Variants in SCN11A observed in about 807,000 individuals in gnomAD.
The protein encoded by SCN11A is sodium channel protein type 11 subunit alpha.
SCN11A carries 122 observed loss-of-function variants against 162.2 expected under a neutral mutation model. The ratio of observed to expected loss-of-function variants is 0.75; its 90% CI spans 0.65 to 0.87. The LOEUF (loss-of-function observed/expected upper bound fraction) is 0.87. SCN11A is among the 40% of genes least tolerant of loss of function. The probability of loss-of-function intolerance (pLI) is 0.00; values close to 1 mark genes in which losing one functional copy is unlikely to be tolerated. For missense variants in SCN11A, 2,015 were observed against 2,181.6 expected (o/e 0.92, Z 1.52); for synonymous variants, 758 against 751.5 (o/e 1.01, Z -0.14).
chr3:39,027,664 T>C (rs1324504002), intron 2 of SCN11A, among the ~76,000 whole-genome samples: 1 of 152,174 alleles, frequency 6.6e-6, no homozygotes, highest in Admixed American at 6.5e-5. Flanking sequence ...GGGAGGCTGT[T>C]TACCCCACAT....
chr3:38,968,591 T>C (rs916142591), intron 2 of SCN11A, among the ~76,000 whole-genome samples: 1 of 152,146 alleles, frequency 6.6e-6, no homozygotes, highest in African/African-American at 2.4e-5. Flanking sequence ...CCAACACACA[T>C]GTGCACACAC....
At chr3:39,034,789 A>G (rs1402681286) in intron 1 of SCN11A, among the ~76,000 whole-genome samples, 1 of 152,222 alleles carries the variant, frequency 6.6e-6, no homozygotes, top group Non-Finnish European at 1.5e-5. Flanking sequence ...AACATAAAAA[A>G]TCAGTAGCAT....
chr3:39,041,992 G>A (rs777806242), intron 1 of SCN11A, among the ~76,000 whole-genome samples: 3 of 152,094 alleles, frequency 2.0e-5, no homozygotes, highest in Non-Finnish European at 4.4e-5. Flanking sequence ...GACCCAGGCC[G>A]GCACAGTGGC....
At chr3:38,868,976 G>A (rs961207556) in intron 26 of SCN11A, among the ~76,000 whole-genome samples, 1 of 152,180 alleles carries the variant, frequency 6.6e-6, no homozygotes. Flanking sequence ...CAGGGACCAT[G>A]GGGAGGATAT....
intron 4 of SCN11A, among the ~76,000 whole-genome samples, chr3:38,950,806 A>G (rs2125577817): frequency 6.6e-6 from 1 of 152,386 alleles, no homozygotes; most frequent in East Asian, 1.9e-4. Context: ...GGCCATAGTT[A>G]TGGATTGCAA....
intron 1 of SCN11A, among the ~76,000 whole-genome samples, chr3:39,040,549 G>A (rs1008911434): frequency 6.6e-6 from 1 of 152,186 alleles, no homozygotes; most frequent in Non-Finnish European, 1.5e-5. Flanking sequence ...AAAGCTATCA[G>A]ATGCCTAAAA....
At chr3:38,970,404 A>T (rs1331946838) in intron 2 of SCN11A, among the ~76,000 whole-genome samples, 1 of 152,222 alleles carries the variant, frequency 6.6e-6, no homozygotes, top group Non-Finnish European at 1.5e-5. Flanking sequence ...TCCAAAATAA[A>T]TTTTAGTAAA....
At position 38,904,022 on chromosome 3, in the gene SCN11A, T is replaced by C. The variant is rs764962415; in HGVS notation, c.1685A>G (p.Gln562Arg). ...SKYLVWNCCP[Q>R]WLCVKKVLRT... ...CAGGACCTTCTTAACGCACAGCCAC[T>C]GGGGGCAACAGTTCCACACGAGGTA... The change falls in exon 16 of 30, where the codon CAG becomes CGG. Residue 562 changes from glutamine to arginine, a missense_variant. By Grantham distance (43) the Gln-to-Arg change is conservative. Transcript: ENST00000302328. 5 of 1,612,098 alleles carry C rather than the reference T, an allele frequency of 3.1e-6. No homozygotes were observed. Among genetic ancestry groups the C allele is most frequent in the Non-Finnish European group, 4.2e-6 (5 of 1,179,540 alleles).
intron 23 of SCN11A, among the ~76,000 whole-genome samples, chr3:38,875,774 G>C (rs1049968690): frequency 6.6e-6 from 1 of 152,012 alleles, no homozygotes; most frequent in African/African-American, 2.4e-5. Flanking sequence ...TTGTGAAAAT[G>C]ACCCTACTAC....
intron 2 of SCN11A, chr3:39,026,048 C>T (rs1020920328): frequency 2.0e-5 from 3 of 151,968 alleles, no homozygotes; most frequent in Admixed American, 6.6e-5. Context: ...TAACATGACC[C>T]CTGCACAAGA....
chr3:38,847,488 T>C lies in SCN11A; in HGVS notation c.4582A>G (p.Ile1528Val). The C allele has an allele frequency of 6.2e-7, 1 of 1,614,196 alleles. No homozygotes were observed. Among genetic ancestry groups the C allele is most frequent in the South Asian group, 1.1e-5 (1 of 91,088 alleles). The stretch of plus-strand genomic sequence containing the variant: ...GTCTTGAAGTTGAATATGTCATCGA[T>C]TCCAGACTCTGGATTCACTTTGGAA... ...WFSKVNPESGIDDIFNFKTFA... is the reference protein window; with the variant it reads ...WFSKVNPESGVDDIFNFKTFA... Residue 1528 changes from isoleucine to valine, a missense_variant, in exon 30 of 30, where the codon ATC (isoleucine) becomes GTC (valine). Transcript: ENST00000302328.
intron 29 of SCN11A, among the ~76,000 whole-genome samples, chr3:38,848,449 G>A (rs2064713909): frequency 1.3e-5 from 2 of 152,096 alleles, no homozygotes; most frequent in South Asian, 2.1e-4. Context: ...TGAGTGTCCT[G>A]TAAGGTCACT....
At position 38,909,946 on chromosome 3, in the gene SCN11A, T is replaced by C. The variant is rs11720056; in HGVS notation, c.1101+120A>G. The C allele has an allele frequency of 0.16, 156,493 of 967,620 alleles. 13,640 individuals are homozygous for C. Among genetic ancestry groups the C allele is most frequent in the East Asian group, 0.27 (10,248 of 37,810 alleles). The allele number at this position is 967,620 out of a possible 1,614,324, so 59.9% of individuals were successfully genotyped here. On this transcript the variant is annotated intron_variant, in intron 12 of 29. Coordinates refer to ENST00000302328, the MANE Select transcript of SCN11A (RefSeq NM_001349253.2). ...CAACTGTTAAAGATGAGACAGATGA[T>C]AAAAGTGGGGGATGAATGGTAGTTA...
At chr3:38,921,486 C>T (rs2066051922) in intron 9 of SCN11A, among the ~76,000 whole-genome samples, 1 of 152,166 alleles carries the variant, frequency 6.6e-6, no homozygotes. Context: ...TCTATTCCTG[C>T]CCTATGCCTG....
At chr3:38,932,195 T>C (rs1341462538) in intron 7 of SCN11A, among the ~76,000 whole-genome samples, 2 of 152,204 alleles carry the variant, frequency 1.3e-5, no homozygotes, top group African/African-American at 2.4e-5. Flanking sequence ...TCCCTATAAA[T>C]ATTTTTATTA....
Position 38,850,643 on chromosome 3 carries a change from T to G in SCN11A, c.4165A>C (p.Asn1389His). 6.2e-7 allele frequency: 1 copy of G among 1,614,036 alleles called. No homozygotes were observed. Among genetic ancestry groups the G allele is most frequent in the East Asian group, 2.2e-5 (1 of 44,868 alleles). Reference protein sequence around the residue: ...NMISMMAESYNQPKAMKSILD... With the variant: ...NMISMMAESYHQPKAMKSILD... ...ATGGATTTCATGGCTTTGGGTTGGT[T>G]GTATGATTCAGCCATCATGCTAATC... The change falls in exon 29 of 30, where the codon AAC becomes CAC. Residue 1389 changes from asparagine to histidine, a missense_variant. Transcript: ENST00000302328.
intron 14 of SCN11A, 126 bp from the exon 15 acceptor site, chr3:38,905,447 C>T (rs1197499744): frequency 9.0e-6 from 9 of 1,002,842 alleles, no homozygotes; most frequent in East Asian, 2.6e-5. Context: ...GTCTACTCAC[C>T]TCGTCTTTAC....
chr3:39,037,286 C>T (rs551924720), intron 1 of SCN11A, among the ~76,000 whole-genome samples: 1 of 152,214 alleles, frequency 6.6e-6, no homozygotes, highest in African/African-American at 2.4e-5. Context: ...AACAATTGAA[C>T]TCATGGAGAT....
chr3:38,889,102 C>T (rs2126111599), intron 19 of SCN11A, among the ~76,000 whole-genome samples: 1 of 152,122 alleles, frequency 6.6e-6, no homozygotes, highest in Non-Finnish European at 1.5e-5. Context: ...TAAATGCTTA[C>T]ATTAAAAAAA....
Sources: gnomAD v4.1 joint callset for allele counts (sites outside exome capture counted in the v4.1 genomes callset) on GRCh38, gnomAD v4.1.1 for gene constraint, MANE v1.5 for transcripts, NCBI Gene and HGNC (gene_info 2026-07-23, HGNC 2026-07-21) for gene names.